The following NDUFAB1 variants were observed in gnomAD, a reference collection of about 807,000 sequenced individuals.
The protein encoded by NDUFAB1 is NADH:ubiquinone oxidoreductase subunit AB1, also known as acyl carrier protein, mitochondrial.
Under a neutral mutation model 16.1 loss-of-function variants are expected in NDUFAB1, and 5 were observed. The ratio of observed to expected loss-of-function variants is 0.31; its 90% confidence interval spans 0.16 to 0.65. NDUFAB1 has a LOEUF of 0.65. NDUFAB1 is among the 30% of genes least tolerant of loss of function. The probability of loss-of-function intolerance (pLI) is 0.77; values close to 1 mark genes in which losing one functional copy is unlikely to be tolerated. For synonymous variants in NDUFAB1, 85 were observed against 78.4 expected (o/e 1.08, Z -0.44); for missense variants, 187 against 205.3 (o/e 0.91, Z 0.54).
chr16:23,587,133 AT>A (rs1249526710), intron 2 of NDUFAB1, 63 bp downstream of exon 2: 5 of 1,508,760 alleles, frequency 3.3e-6, no homozygotes, highest in Non-Finnish European at 4.5e-6. Context: ...TTCCCTTTGC[AT>A]TTTCTAGCAT....
intron 3 of NDUFAB1, among the ~76,000 whole-genome samples, 165 bp downstream of exon 3, chr16:23,585,171 C>G (rs1011926359): frequency 1.3e-5 from 2 of 152,236 alleles, no homozygotes; most frequent in African/African-American, 4.8e-5. Flanking sequence ...CTAAAGCTTA[C>G]TTCACCTGAT....
intron 1 of NDUFAB1, chr16:23,595,773 T>C (rs970970920): frequency 2.1e-6 from 1 of 477,468 alleles, no homozygotes; most frequent in East Asian, 4.4e-5. Context: ...TACGAGGTGC[T>C]CTAGCCGCAT....
rs1471578562 is a variant in NDUFAB1, at chr16:23,596,140, C to T, written c.151G>A (p.Ala51Thr). Residue 51 changes from alanine (A) to threonine (T), a missense_variant, in exon 1 of 5, where the codon GCC becomes ACC. By Grantham distance (58) the Ala-to-Thr change is moderately conservative. This residue lies in a region of NDUFAB1 where 135 missense variants were observed against 129.4 expected (regional missense o/e 1.04). Coordinates refer to ENST00000007516, the MANE Select transcript of NDUFAB1 (RefSeq NM_005003.3). ...CGAGTCACCTGCGCGAGCACTAAGGCCGGCTGCAAAGTCCCGAGCCTCGTC... is the reference window on the plus strand; with the variant it reads ...CGAGTCACCTGCGCGAGCACTAAGGTCGGCTGCAAAGTCCCGAGCCTCGTC... ...TQTRLGTLQPALVLAQVPGRV... is the reference protein window; with the variant it reads ...TQTRLGTLQPTLVLAQVPGRV... 8.1e-6 allele frequency: 13 copies of T among 1,608,578 alleles called. No homozygotes were observed. In the East Asian group the frequency reaches 2.5e-4, roughly 31 times the overall value.
chr16:23,584,267 A>AAAAAAAAAAAAAAAAAC (rs1966213513), intron 3 of NDUFAB1, among the ~76,000 whole-genome samples: 1 of 136,290 alleles, frequency 7.3e-6, no homozygotes, highest in Non-Finnish European at 1.6e-5. Context: ...AAAAAAAAAA[A>AAAAAAAAAAAAAAAAAC]AAAAAAAGAA....
intron 3 of NDUFAB1, among the ~76,000 whole-genome samples, chr16:23,584,250 T>TAAAAAAAAAAAAAAAAAAAAAAAA (rs1966211519): frequency 1.5e-4 from 1 of 6,474 alleles, no homozygotes; most frequent in Admixed American, 1.2e-3. Flanking sequence ...CCAAGAATGA[T>TAAAAAAAAAAAAAAAAAAAAAAAA]CAATTAAAAA....
At chr16:23,582,023 T>C (rs1353221740) in intron 4 of NDUFAB1, 1 of 300,790 alleles carries the variant, frequency 3.3e-6, no homozygotes, top group Non-Finnish European at 6.0e-6. Flanking sequence ...CAGTACTTTG[T>C]ACAATGTTCT....
intron 3 of NDUFAB1, among the ~76,000 whole-genome samples, chr16:23,583,949 T>TA (rs1319542177): frequency 1.3e-5 from 2 of 151,238 alleles, no homozygotes. Flanking sequence ...TGTTGATCTA[T>TA]GACCTTACCC....
chr16:23,582,076 G>T, intron 4 of NDUFAB1, 200 bp downstream of exon 4: 2 of 475,398 alleles, frequency 4.2e-6, no homozygotes, highest in Non-Finnish European at 7.0e-6. Context: ...TTCTATCCAG[G>T]AATGACAGTT....
At chr16:23,583,839 A>T (rs2142232059) in intron 3 of NDUFAB1, among the ~76,000 whole-genome samples, 1 of 152,296 alleles carries the variant, frequency 6.6e-6, no homozygotes, top group South Asian at 2.1e-4. Flanking sequence ...TGGGGAAAAG[A>T]TAGAGAAATC....
chr16:23,589,957 A>G (rs1223840626), intron 1 of NDUFAB1, among the ~76,000 whole-genome samples: 1 of 136,264 alleles, frequency 7.3e-6, no homozygotes, highest in Non-Finnish European at 1.6e-5. Context: ...AAAAAAAAAA[A>G]AAAAAAAAGA....
chr16:23,584,247 TGATCAA>T (rs1246579627), intron 3 of NDUFAB1, among the ~76,000 whole-genome samples: 2,054 of 20,954 alleles, frequency 0.098, 155 homozygotes, highest in Middle Eastern at 0.29. Flanking sequence ...CACCCAAGAA[TGATCAA>T]TTAAAAAAAA....
chr16:23,585,848 ATGTACATGGTTTGCTT>A (rs1268355411), intron 2 of NDUFAB1, among the ~76,000 whole-genome samples: 1 of 152,230 alleles, frequency 6.6e-6, no homozygotes, highest in Non-Finnish European at 1.5e-5. Context: ...CTATGCTAGT[ATGTACATGGTTTGCTT>A]TATCTTACTC....
At chr16:23,588,534 C>T (rs1038900988) in intron 1 of NDUFAB1, among the ~76,000 whole-genome samples, 1 of 152,208 alleles carries the variant, frequency 6.6e-6, no homozygotes, top group African/African-American at 2.4e-5. Context: ...CGAGGCTTGG[C>T]GTTCTTCAGG....
At chr16:23,596,021 C>A (rs894238746) in intron 1 of NDUFAB1, 102 bp downstream of exon 1, 1 of 1,390,494 alleles carries the variant, frequency 7.2e-7, no homozygotes, top group East Asian at 2.6e-5. Context: ...CCCCCCGGGT[C>A]ACCCCTGCCT....
intron 1 of NDUFAB1, among the ~76,000 whole-genome samples, chr16:23,588,430 G>A (rs959514790): frequency 9.9e-5 from 15 of 152,010 alleles, no homozygotes; most frequent in African/African-American, 3.4e-4. Context: ...TTCCAGCCTG[G>A]GCGACAAAGC....
chr16:23,595,949 G>A (rs1430363929), intron 1 of NDUFAB1, among the ~76,000 whole-genome samples, 174 bp downstream of exon 1: 1 of 152,216 alleles, frequency 6.6e-6, no homozygotes, highest in Non-Finnish European at 1.5e-5. Flanking sequence ...GAGGTCACCC[G>A]GCCTCCCGTC....
At chr16:23,594,600 C>A (rs926162301) in intron 1 of NDUFAB1, among the ~76,000 whole-genome samples, 5 of 151,766 alleles carry the variant, frequency 3.3e-5, no homozygotes, top group African/African-American at 4.8e-5. Context: ...GATCCGCCCG[C>A]CTCGGCATCC....
chr16:23,583,077 C>A (rs1966196413), intron 3 of NDUFAB1, among the ~76,000 whole-genome samples: 1 of 152,290 alleles, frequency 6.6e-6, no homozygotes, highest in Non-Finnish European at 1.5e-5. Flanking sequence ...CCTCGGCCTC[C>A]CGAGGTGCCG....
Position 23,582,289 on chromosome 16 carries a change from C to G in NDUFAB1, c.466G>C (p.Glu156Gln), listed in dbSNP as rs1966185868. 6.5e-7 allele frequency: 1 copy of G among 1,536,214 alleles called. No individual in the cohort carries two copies. Among genetic ancestry groups the G allele is most frequent in the African/African-American group, 1.4e-5 (1 of 71,800 alleles). Residue 156 changes from glutamate (E) to glutamine (Q), a missense_variant, in exon 4 of 5, where the codon GAA (glutamate) becomes CAA (glutamine). Glu to Gln is a conservative substitution (Grantham distance 29). Coordinates refer to ENST00000007516, the MANE Select transcript of NDUFAB1 (RefSeq NM_005003.3). ...DYIADKKDVY[E>Q] ...AAGTCTATTTACCTGATACTTTATTCATATACATCCTTCTTATCTGCAATG... is the reference window on the plus strand; with the variant it reads ...AAGTCTATTTACCTGATACTTTATTGATATACATCCTTCTTATCTGCAATG...
Sources: allele counts gnomAD v4.1 joint callset (sites outside exome capture counted in the v4.1 genomes callset), GRCh38; gene constraint gnomAD v4.1.1; regional missense constraint gnomAD v4.1.1; transcripts MANE v1.5; gene names NCBI Gene and HGNC (gene_info 2026-07-23, HGNC 2026-07-21).